Variants in ARHGAP39 observed in about 807,000 individuals in gnomAD.
The protein encoded by ARHGAP39 is rho GTPase-activating protein 39.
In ARHGAP39, 44 loss-of-function variants were observed where a neutral mutation model predicts 106.9. The ratio of observed to expected loss-of-function variants is 0.41; its 90% CI spans 0.32 to 0.53. ARHGAP39 has a LOEUF of 0.53. Ranked by LOEUF, ARHGAP39 falls within the 20% of genes least tolerant of loss-of-function variation. The probability of loss-of-function intolerance (pLI) is 0.21; values close to 1 mark genes in which losing one functional copy is unlikely to be tolerated. For synonymous variants in ARHGAP39, 768 were observed against 693.2 expected (o/e 1.11, Z -1.69); for missense variants, 1,496 against 1,577.3 (o/e 0.95, Z 0.87).
At chr8:144,617,253 C>G (rs919516166) in intron 1 of ARHGAP39, among the ~76,000 whole-genome samples, 3 of 151,864 alleles carry the variant, frequency 2.0e-5, no homozygotes, top group African/African-American at 7.3e-5. Context: ...TGGGTGATTT[C>G]AGAAGTCCTT....
intron 7 of ARHGAP39, among the ~76,000 whole-genome samples, chr8:144,537,379 C>A (rs1816999881): frequency 6.6e-6 from 1 of 152,090 alleles, no homozygotes; most frequent in Non-Finnish European, 1.5e-5. Context: ...CACCCCTCCA[C>A]CTGCAAACTT....
intron 1 of ARHGAP39, among the ~76,000 whole-genome samples, chr8:144,609,018 T>C (rs567260551): frequency 6.6e-6 from 1 of 152,346 alleles, no homozygotes; most frequent in African/African-American, 2.4e-5. Flanking sequence ...TTTTACTTCT[T>C]CCTTTCCAAA....
At chr8:144,568,070 G>A (rs137855242) in intron 3 of ARHGAP39, among the ~76,000 whole-genome samples, 310 of 152,242 alleles carry the variant, frequency 2.0e-3, no homozygotes, top group African/African-American at 6.8e-3. Context: ...ACAGGCTGAT[G>A]CCTGTAATCC....
At chr8:144,676,431 GTGCGTTTACAAACCTTGAGCTAGACACAC>G (rs1822241200) in intron 1 of ARHGAP39, among the ~76,000 whole-genome samples, 1 of 125,666 alleles carries the variant, frequency 8.0e-6, no homozygotes, top group African/African-American at 4.7e-5. Context: ...CTGCTGACTG[GTGCGTTTACAAACCTTGAGCTAGACACAC>G]GTGCTGCTGA....
At chr8:144,652,378 A>C (rs2129650942) in intron 1 of ARHGAP39, among the ~76,000 whole-genome samples, 1 of 152,336 alleles carries the variant, frequency 6.6e-6, no homozygotes, top group Middle Eastern at 3.4e-3. Flanking sequence ...TAAAAGCAGA[A>C]CTATCATTTG....
chr8:144,629,822 G>A (rs1821017887), intron 1 of ARHGAP39, among the ~76,000 whole-genome samples: 1 of 152,138 alleles, frequency 6.6e-6, no homozygotes, highest in Non-Finnish European at 1.5e-5. Context: ...AATAGTGTTG[G>A]TGTGTGCAGA....
intron 1 of ARHGAP39, among the ~76,000 whole-genome samples, chr8:144,658,589 T>C (rs1270091833): frequency 6.6e-6 from 1 of 152,184 alleles, no homozygotes. Flanking sequence ...CAGCATTTTT[T>C]AATCAGGGAC....
intron 4 of ARHGAP39, among the ~76,000 whole-genome samples, chr8:144,549,860 C>T (rs945289707): frequency 6.6e-6 from 1 of 152,226 alleles, no homozygotes; most frequent in Non-Finnish European, 1.5e-5. Flanking sequence ...AGAATATTTT[C>T]TTCTCAACTG....
At position 144,545,738 on chromosome 8, in the gene ARHGAP39, A is replaced by G; in HGVS notation, c.2032T>C (p.Cys678Arg). 6.2e-7 allele frequency: 1 copy of G among 1,611,418 alleles called. No homozygotes were observed. Among genetic ancestry groups the G allele is most frequent in the Non-Finnish European group, 8.5e-7 (1 of 1,179,392 alleles). The change falls in exon 6 of 12, where the codon TGC becomes CGC. Residue 678 changes from cysteine to arginine, a missense_variant. Around this residue, in one of 4 missense-constraint regions of ARHGAP39, gnomAD observed 905 missense variants for 816.4 expected, o/e 1.11. Transcript: ENST00000377307. Reference sequence around the variant, plus strand: ...CGCAGCGTGAAAGTGGGGAAGACGCAGCTGGAGCTGGGAACGCCGCTGCGG... The same window carrying G: ...CGCAGCGTGAAAGTGGGGAAGACGCGGCTGGAGCTGGGAACGCCGCTGCGG... ...QSRSGVPSSSCVFPTFTLRKP... is the reference protein window; with the variant it reads ...QSRSGVPSSSRVFPTFTLRKP...
At chr8:144,568,333 C>CAA (rs34670018) in intron 3 of ARHGAP39, among the ~76,000 whole-genome samples, 17,633 of 47,146 alleles carry the variant, frequency 0.37, 5,742 homozygotes, top group Middle Eastern at 0.56. Context: ...GACTCTGTCT[C>CAA]AAAAAAAAAA....
chr8:144,622,171 G>A (rs375010976), intron 1 of ARHGAP39, among the ~76,000 whole-genome samples: 23 of 152,276 alleles, frequency 1.5e-4, no homozygotes, highest in African/African-American at 4.3e-4. Context: ...CCTCTGCCTC[G>A]ATGGGGTCTG....
At chr8:144,610,581 G>A (rs1360745695) in intron 1 of ARHGAP39, among the ~76,000 whole-genome samples, 2 of 151,830 alleles carry the variant, frequency 1.3e-5, no homozygotes, top group Non-Finnish European at 2.9e-5. Flanking sequence ...GCGTGGTGGC[G>A]GGCGCCTGTA....
intron 3 of ARHGAP39, among the ~76,000 whole-genome samples, chr8:144,560,782 A>T (rs1412531732): frequency 6.6e-6 from 1 of 152,240 alleles, no homozygotes; most frequent in Non-Finnish European, 1.5e-5. Flanking sequence ...TGACGTCAAC[A>T]CTACTAGAGC....
chr8:144,558,163 T>C (rs1426359407), intron 3 of ARHGAP39, among the ~76,000 whole-genome samples: 1 of 152,166 alleles, frequency 6.6e-6, no homozygotes, highest in Non-Finnish European at 1.5e-5. Flanking sequence ...TACTGTAAAG[T>C]CTTGTTGAGA....
intron 1 of ARHGAP39, among the ~76,000 whole-genome samples, chr8:144,680,018 G>T (rs1822360222): frequency 6.6e-6 from 1 of 152,076 alleles, no homozygotes; most frequent in Admixed American, 6.6e-5. Flanking sequence ...GCCTTTAACT[G>T]GAATTCAAAG....
At chr8:144,546,805 C>T (rs1000820881) in intron 5 of ARHGAP39, among the ~76,000 whole-genome samples, 1 of 152,226 alleles carries the variant, frequency 6.6e-6, no homozygotes, top group Non-Finnish European at 1.5e-5. Flanking sequence ...CGGTGGCCAC[C>T]ACCCTCCCAG....
intron 1 of ARHGAP39, among the ~76,000 whole-genome samples, chr8:144,662,977 C>A (rs182160114): frequency 6.6e-6 from 1 of 150,920 alleles, no homozygotes; most frequent in African/African-American, 2.4e-5. Flanking sequence ...TCCCTTCTCC[C>A]CATTATTCAC....
chr8:144,575,527 GCTCAGGA>G (rs1193752174), intron 3 of ARHGAP39, among the ~76,000 whole-genome samples: 1 of 151,972 alleles, frequency 6.6e-6, no homozygotes, highest in Non-Finnish European at 1.5e-5. Flanking sequence ...GCCTACCCAT[GCTCAGGA>G]TCATCAACAC....
chr8:144,572,835 AAAG>A (rs1326176631), intron 3 of ARHGAP39, among the ~76,000 whole-genome samples: 1 of 152,278 alleles, frequency 6.6e-6, no homozygotes, highest in African/African-American at 2.4e-5. Flanking sequence ...ACATTTCTCA[AAAG>A]AAGACATTTA....
Sources: gnomAD v4.1 joint callset for allele counts (sites outside exome capture counted in the v4.1 genomes callset) on GRCh38, gnomAD v4.1.1 for gene constraint, gnomAD v4.1.1 regional missense constraint, MANE v1.5 for transcripts, NCBI Gene and HGNC (gene_info 2026-07-23, HGNC 2026-07-21) for gene names.